Variants in LRRTM4 observed in about 807,000 individuals in gnomAD.
LRRTM4 encodes the protein leucine rich repeat transmembrane neuronal 4.
A neutral mutation model predicts 47.6 loss-of-function variants in LRRTM4; 25 were observed. The observed-to-expected ratio is 0.53, with a 90% CI of 0.38 to 0.73. The LOEUF (loss-of-function observed/expected upper bound fraction) is 0.73. Among genes scored for constraint, LRRTM4 ranks in the 30% least tolerant of loss-of-function variants. The pLI is 0.00. For missense variants in LRRTM4, 638 were observed against 713.4 expected (o/e 0.89, Z 1.20); for synonymous variants, 311 against 269.5 (o/e 1.15, Z -1.51).
At chr2:76,966,741 A>C (rs1286038760) in intron 3 of LRRTM4, among the ~76,000 whole-genome samples, 2 of 151,490 alleles carry the variant, frequency 1.3e-5, no homozygotes, top group East Asian at 3.9e-4. Context: ...CTAATTACCA[A>C]TTCCAACATG....
intron 3 of LRRTM4, among the ~76,000 whole-genome samples, chr2:77,489,689 T>C (rs141510222): frequency 6.6e-6 from 1 of 152,204 alleles, no homozygotes; most frequent in Non-Finnish European, 1.5e-5. Flanking sequence ...GCAAGAATTG[T>C]AGCTGGACAG....
intron 3 of LRRTM4, among the ~76,000 whole-genome samples, chr2:76,786,363 T>A (rs1219231778): frequency 1.3e-5 from 2 of 152,104 alleles, no homozygotes; most frequent in East Asian, 3.9e-4. Flanking sequence ...AACCCACAAA[T>A]GATGAATAGG....
intron 3 of LRRTM4, among the ~76,000 whole-genome samples, chr2:77,226,745 T>G (rs1674824964): frequency 6.6e-6 from 1 of 151,914 alleles, no homozygotes; most frequent in African/African-American, 2.4e-5. Flanking sequence ...ATAAACCTCT[T>G]TTTGACATAC....
intron 3 of LRRTM4, among the ~76,000 whole-genome samples, chr2:77,185,425 C>G (rs1459975254): frequency 1.3e-5 from 2 of 152,142 alleles, no homozygotes; most frequent in African/African-American, 4.8e-5. Context: ...TCTATTGGAT[C>G]TAGAAGTAAA....
At chr2:77,060,647 T>G (rs1679756610) in intron 3 of LRRTM4, among the ~76,000 whole-genome samples, 1 of 152,188 alleles carries the variant, frequency 6.6e-6, no homozygotes, top group South Asian at 2.1e-4. Flanking sequence ...ATATATGGTA[T>G]ACACAGTATT....
In LRRTM4 at chr2:76,930,508, C is replaced by T. The variant is rs573565609; in HGVS notation, c.1552-181592G>A. Among the ~76,000 whole-genome samples, 16 of 152,240 alleles carry T rather than the reference C, an allele frequency of 1.1e-4. No homozygotes were observed. In the East Asian group the frequency reaches 3.1e-3, roughly 30 times the overall value. On this transcript the variant is annotated intron_variant, in intron 3 of 3. Coordinates refer to ENST00000409884, the MANE Select transcript of LRRTM4 (RefSeq NM_001134745.3). ...AGAGGCACAGAAGTAACCGCAGATGCCACAGCAGAAGTGTGCTGATGGCAC... is the reference window on the plus strand; with the variant it reads ...AGAGGCACAGAAGTAACCGCAGATGTCACAGCAGAAGTGTGCTGATGGCAC...
chr2:77,039,008 T>C (rs1161678525), intron 3 of LRRTM4, among the ~76,000 whole-genome samples: 1 of 151,290 alleles, frequency 6.6e-6, no homozygotes, highest in East Asian at 1.9e-4. Flanking sequence ...AACAGACCTC[T>C]AAAAACCCCC....
At chr2:76,968,301 T>G (rs1156976261) in intron 3 of LRRTM4, among the ~76,000 whole-genome samples, 1 of 143,242 alleles carries the variant, frequency 7.0e-6, no homozygotes, top group African/African-American at 2.5e-5. Flanking sequence ...TCACAATATA[T>G]AGGGTTGGTA....
chr2:77,432,478 G>C (rs932107130), intron 3 of LRRTM4, among the ~76,000 whole-genome samples: 2 of 152,150 alleles, frequency 1.3e-5, no homozygotes, highest in Admixed American at 1.3e-4. Context: ...AATATATATT[G>C]TTTATTAAAC....
rs373075651 is a variant in LRRTM4 at position 77,360,266 on chromosome 2, G to C, written c.1551+158052C>G. Among the ~76,000 whole-genome samples the C allele has an allele frequency of 3.4e-4, 51 of 152,120 alleles. No homozygotes were observed. The East Asian group carries it at 9.7e-3, about 29-fold the overall frequency. On this transcript the variant is annotated intron_variant, in intron 3 of 3. Transcript: ENST00000409884. ...AGGTCAGGAGACAGAGACTATCCTG[G>C]CTAACACGGTGAAACCCCGTATCTA...
At chr2:77,147,738 A>G (rs946345449) in intron 3 of LRRTM4, among the ~76,000 whole-genome samples, 9 of 152,210 alleles carry the variant, frequency 5.9e-5, no homozygotes, top group African/African-American at 2.2e-4. Flanking sequence ...AAAAATGTAA[A>G]CTGAGAAATT....
At chr2:77,158,013 C>G (rs1672607556) in intron 3 of LRRTM4, among the ~76,000 whole-genome samples, 1 of 151,978 alleles carries the variant, frequency 6.6e-6, no homozygotes, top group South Asian at 2.1e-4. Context: ...AAAAATGGGT[C>G]TGACTAAATG....
At chr2:76,754,260 G>T (rs983431911) in intron 3 of LRRTM4, among the ~76,000 whole-genome samples, 1 of 151,558 alleles carries the variant, frequency 6.6e-6, no homozygotes, top group Non-Finnish European at 1.5e-5. Flanking sequence ...TATTCTACTG[G>T]CTATATTAGT....
intron 3 of LRRTM4, among the ~76,000 whole-genome samples, chr2:76,902,531 A>C (rs1407740450): frequency 6.6e-6 from 1 of 152,184 alleles, no homozygotes; most frequent in Non-Finnish European, 1.5e-5. Context: ...GATGGATCTG[A>C]ATCTGGAATG....
intron 3 of LRRTM4, among the ~76,000 whole-genome samples, chr2:77,143,183 A>G (rs961214960): frequency 6.6e-6 from 1 of 152,192 alleles, no homozygotes. Context: ...ACAGTTGGAC[A>G]TCTTGAAGTT....
Position 76,748,578 on chromosome 2 carries a change from G to C in LRRTM4, c.*117C>G. 1 of 823,896 alleles carries C rather than the reference G, an allele frequency of 1.2e-6. No homozygotes were observed. Among genetic ancestry groups the C allele is most frequent in the South Asian group, 1.7e-5 (1 of 59,792 alleles). The allele number at this position is 823,896 out of a possible 1,614,324, so 51.0% of individuals were successfully genotyped here. On this transcript the variant is annotated 3_prime_UTR_variant, in exon 4 of 4. Transcript: ENST00000409884. ...TTTTTCTTTTCTCTATGCCATAAAT[G>C]TTTTAACAGGAACGATGAGCTTGCT...
At chr2:77,355,677 C>G (rs948791760) in intron 3 of LRRTM4, among the ~76,000 whole-genome samples, 2 of 152,058 alleles carry the variant, frequency 1.3e-5, no homozygotes, top group African/African-American at 4.8e-5. Flanking sequence ...TTTGAAGGAG[C>G]AAAGGTAAAG....
intron 3 of LRRTM4, among the ~76,000 whole-genome samples, chr2:76,908,939 A>G (rs1228169598): frequency 6.6e-6 from 1 of 152,200 alleles, no homozygotes; most frequent in African/African-American, 2.4e-5. Flanking sequence ...GATAGATTCA[A>G]TGCCATCCCC....
chr2:77,452,868 T>C (rs1187199601), intron 3 of LRRTM4, among the ~76,000 whole-genome samples: 1 of 152,104 alleles, frequency 6.6e-6, no homozygotes, highest in Non-Finnish European at 1.5e-5. Flanking sequence ...AGCTGAAACA[T>C]ACATTTTCAT....
Sources: gnomAD v4.1 joint callset for allele counts (sites outside exome capture counted in the v4.1 genomes callset) on GRCh38, gnomAD v4.1.1 for gene constraint, MANE v1.5 for transcripts, NCBI Gene and HGNC (gene_info 2026-07-23, HGNC 2026-07-21) for gene names.